Variants in PUSL1 observed in about 807,000 individuals in gnomAD.
The protein encoded by PUSL1 is pseudouridine synthase like 1.
PUSL1 carries 51 observed loss-of-function variants against 30.7 expected under a neutral mutation model. The observed-to-expected ratio is 1.66, with a 90% CI of 1.33 to 2.10. The LOEUF (loss-of-function observed/expected upper bound fraction) is 2.10. Ranked by LOEUF, PUSL1 falls within the 30% of genes most tolerant of loss-of-function variation. The probability of loss-of-function intolerance (pLI) is 0.00; values close to 1 mark genes in which losing one functional copy is unlikely to be tolerated. For missense variants in PUSL1, 609 were observed against 427.6 expected, an observed-to-expected ratio of 1.42 and a Z score of -3.74; for synonymous variants, 290 against 192.1, an observed-to-expected ratio of 1.51 and a Z score of -4.21.
intron 5 of PUSL1, 158 bp downstream of exon 5, chr1:1,310,009 C>A: frequency 5.2e-6 from 3 of 578,020 alleles, no homozygotes; most frequent in Non-Finnish European, 6.0e-6. Flanking sequence ...GGACGCCCCC[C>A]AGCCTCCAGC....
intron 5 of PUSL1, chr1:1,310,247 G>C: frequency 2.9e-6 from 1 of 342,434 alleles, no homozygotes; most frequent in South Asian, 5.2e-5. Context: ...CCTGAAGGGG[G>C]GAAGAACTTC....
At position 1,310,661 on chromosome 1, in the gene PUSL1, T is replaced by C; in HGVS notation, c.672T>C (p.Phe224=). 6.3e-7 allele frequency: 1 copy of C among 1,586,140 alleles called. No homozygotes were observed. Among genetic ancestry groups the C allele is most frequent in the Non-Finnish European group, 8.6e-7 (1 of 1,162,244 alleles). Residue 224 remains phenylalanine, a synonymous_variant, in exon 6 of 8, where the codon TTT becomes TTC. Transcript: ENST00000379031. ...SRKLRFWNLE[F]ESQSFLYRQV... ...AGCTGCGGTTCTGGAACCTGGAGTT[T>C]GAGAGCCAGTCTTTCCTGTATAGAC...
chr1:1,310,811 G>A (rs762104366), intron 6 of PUSL1, 98 bp from the exon 7 acceptor site: 1 of 1,608,748 alleles, frequency 6.2e-7, no homozygotes, highest in East Asian at 2.2e-5. Flanking sequence ...CGGCTGTGCT[G>A]GTGGGTCACG....
rs570184553 is a variant in PUSL1 at position 1,310,166 on chromosome 1, C to T, written c.644+315C>T. The T allele has an allele frequency of 5.5e-5, 23 of 416,200 alleles. No homozygotes were observed. In the Middle Eastern group the frequency reaches 1.8e-3, roughly 33 times the overall value. 25.8% of individuals were successfully genotyped at this position (416,200 alleles called of 1,614,324 possible). ...GTTCTGGTGGGGTGGTTTCTGCTGC[C>T]CCCAGCACTGTCCCGAGGGCCACCC... On this transcript the variant is annotated intron_variant, in intron 5 of 7. Transcript: ENST00000379031.
In PUSL1 at chr1:1,309,592, T is replaced by C. The variant is rs1641979407; in HGVS notation, c.462T>C (p.Thr154=). The change falls in exon 4 of 8, where the codon ACT becomes ACC. Residue 154 remains threonine (T), a synonymous_variant. Transcript: ENST00000379031. Reference sequence around the variant, plus strand: ...TGTTTGAACGCAACCTATGCTGGACTCTCCCGGCAGAGTGAGTGTGGCCCT... The same window carrying C: ...TGTTTGAACGCAACCTATGCTGGACCCTCCCGGCAGAGTGAGTGTGGCCCT... ...LPVFERNLCW[T]LPADCLDMVA... The C allele has an allele frequency of 1.2e-6, 2 of 1,610,780 alleles. 1 individual carries two copies. Among genetic ancestry groups the C allele is most frequent in the South Asian group, 2.2e-5 (2 of 91,002 alleles).
chr1:1,309,897 C>T (rs1047162167), intron 5 of PUSL1, 46 bp downstream of exon 5: 37 of 1,387,450 alleles, frequency 2.7e-5, no homozygotes, highest in Non-Finnish European at 3.3e-5. Context: ...AAGTCACGTG[C>T]TGATTTTAGC....
chr1:1,310,938 C>G lies in PUSL1; in HGVS notation c.729C>G (p.Ala243=), dbSNP rs751428433. The change falls in exon 7 of 8, where the codon GCC becomes GCG. Residue 243 remains alanine (A), a synonymous_variant. Coordinates refer to ENST00000379031, the MANE Select transcript of PUSL1 (RefSeq NM_153339.3). The part of the protein sequence containing the change: ...QVRRMTAVLV[A]VGLGALAPAQ... ...GGAGGATGACGGCTGTGCTGGTGGC[C>G]GTGGGGCTGGGGGCTTTGGCACCTG... 3.1e-6 allele frequency: 5 copies of G among 1,604,962 alleles called. No homozygotes were observed. In the South Asian group the frequency reaches 5.5e-5, roughly 18 times the overall value.
chr1:1,310,683 A>G lies in PUSL1; in HGVS notation c.694A>G (p.Arg232Gly), dbSNP rs1029103812. 2.5e-6 allele frequency: 4 copies of G among 1,606,344 alleles called. No individual in the cohort carries two copies. The highest frequency in any genetic ancestry group is 1.7e-4 in the Middle Eastern group (1 of 6,058). Residue 232 changes from arginine to glycine, a missense_variant, in exon 6 of 8, where the codon AGA becomes GGA. Coordinates refer to ENST00000379031, the MANE Select transcript of PUSL1 (RefSeq NM_153339.3). ...LEFESQSFLYRQVRRMTAVLV... is the reference protein window; with the variant it reads ...LEFESQSFLYGQVRRMTAVLV... ...GTTTGAGAGCCAGTCTTTCCTGTAT[A>G]GACAGGTAGGCTCTGTTCTGGGGCC...
intron 3 of PUSL1, 48 bp downstream of exon 3, chr1:1,309,321 A>C: frequency 6.9e-7 from 1 of 1,445,010 alleles, no homozygotes; most frequent in South Asian, 1.4e-5. Flanking sequence ...TCCCGACTCC[A>C]TCTGTCGCGG....
chr1:1,308,715 C>CT lies in PUSL1; in HGVS notation c.75dup (p.Asn26Ter). 1 of 1,553,592 alleles carries CT rather than the reference C, an allele frequency of 6.4e-7. No individual in the cohort carries two copies. The highest frequency in any genetic ancestry group is 1.2e-5 in the South Asian group (1 of 84,340). On this transcript the variant is annotated frameshift_variant, in exon 1 of 8. Coordinates refer to ENST00000379031, the MANE Select transcript of PUSL1 (RefSeq NM_153339.3). LOFTEE classifies it high-confidence loss of function. Reference sequence around the variant, plus strand: ...TGTACTTCCAGTACGTGGGCACCGACTTTAAGTAGGTTTCCCAGGCGCAGC... The same window carrying CT: ...TGTACTTCCAGTACGTGGGCACCGACTTTTAAGTAGGTTTCCCAGGCGCAGC...
Position 1,309,564 on chromosome 1 carries a change from C to T in PUSL1, c.434C>T (p.Pro145Leu), listed in dbSNP as rs1051144368. 8 of 1,611,808 alleles carry T rather than the reference C, an allele frequency of 5.0e-6. No homozygotes were observed. The highest frequency in any genetic ancestry group is 5.1e-6 in the Non-Finnish European group (6 of 1,179,708). Residue 145 changes from proline (P) to leucine (L), a missense_variant, in exon 4 of 8, where the codon CCG becomes CTG. Coordinates refer to ENST00000379031, the MANE Select transcript of PUSL1 (RefSeq NM_153339.3). ...GGCTGTCACCGGCGTGATGAGCTGC[C>T]GGTGTTTGAACGCAACCTATGCTGG... ...ATGCHRRDEL[P>L]VFERNLCWTL...
Position 1,311,506 on chromosome 1 carries a change from G to C in PUSL1, c.*127G>C, listed in dbSNP as rs764374713. ...GTCTCCACAGTAGCCTCCCTGCCCGGGTCCCAGCACCCTGGATGCCCGTCT... is the reference window on the plus strand; with the variant it reads ...GTCTCCACAGTAGCCTCCCTGCCCGCGTCCCAGCACCCTGGATGCCCGTCT... On this transcript the variant is annotated 3_prime_UTR_variant, in exon 8 of 8. Coordinates refer to ENST00000379031, the MANE Select transcript of PUSL1 (RefSeq NM_153339.3). 9.9e-7 allele frequency: 1 copy of C among 1,008,914 alleles called. No homozygotes were observed. Among genetic ancestry groups the C allele is most frequent in the Non-Finnish European group, 1.5e-6 (1 of 663,912 alleles). 62.5% of individuals were successfully genotyped at this position (1,008,914 alleles called of 1,614,324 possible). A position where few individuals can be genotyped will look rare whatever the true frequency, so the allele number is the denominator to read the frequency against.
chr1:1,310,806 G>A (rs764359694), intron 6 of PUSL1, 103 bp from the exon 7 acceptor site: 14 of 1,609,054 alleles, frequency 8.7e-6, no homozygotes, highest in Non-Finnish European at 1.2e-5. Context: ...GATGACGGCT[G>A]TGCTGGTGGG....
At chr1:1,309,335 G>C (rs1641958045) in intron 3 of PUSL1, 62 bp downstream of exon 3, 3 of 1,448,488 alleles carry the variant, frequency 2.1e-6, no homozygotes, top group Non-Finnish European at 2.7e-6. Flanking sequence ...GTCGCGGGCG[G>C]AGGCTGGAGA....
At position 1,311,664 on chromosome 1, in the gene PUSL1, C is replaced by T. The variant is rs1642167170; in HGVS notation, c.*285C>T. On this transcript the variant is annotated 3_prime_UTR_variant, in exon 8 of 8. Coordinates refer to ENST00000379031, the MANE Select transcript of PUSL1 (RefSeq NM_153339.3). ...CACCTGCCCTAACCAGGAATAAAGG[C>T]AAGACAGCCTGGAGACCAGTTTGTT... 2 of 720,860 alleles carry T rather than the reference C, an allele frequency of 2.8e-6. No individual in the cohort carries two copies. The highest frequency in any genetic ancestry group is 4.9e-6 in the Non-Finnish European group (2 of 408,132). 44.7% of individuals were successfully genotyped at this position (720,860 alleles called of 1,614,324 possible).
intron 5 of PUSL1, chr1:1,310,253 A>C: frequency 3.0e-6 from 1 of 336,034 alleles, no homozygotes; most frequent in Non-Finnish European, 5.5e-6. Context: ...GGGGGGAAGA[A>C]CTTCTGCCAG....
Position 1,311,406 on chromosome 1 carries a change from C to A in PUSL1, c.*27C>A, listed in dbSNP as rs1381059205. On this transcript the variant is annotated 3_prime_UTR_variant, in exon 8 of 8. Coordinates refer to ENST00000379031, the MANE Select transcript of PUSL1 (RefSeq NM_153339.3). Reference sequence around the variant, plus strand: ...CCTGGACACTCAAGCCAAAGTTAGGCCACACCAGGCCCAACCCTGTGCTGG... The same window carrying A: ...CCTGGACACTCAAGCCAAAGTTAGGACACACCAGGCCCAACCCTGTGCTGG... 4 of 1,593,822 alleles carry A rather than the reference C, an allele frequency of 2.5e-6. No individual in the cohort carries two copies. The highest frequency in any genetic ancestry group is 2.6e-6 in the Non-Finnish European group (3 of 1,170,800).
At chr1:1,310,386 T>G in intron 5 of PUSL1, 1 of 522,096 alleles carries the variant, frequency 1.9e-6, no homozygotes. Context: ...CCCTCTGGGA[T>G]GGCCAGGCTA....
rs756671214 is a variant in PUSL1 at position 1,311,313 on chromosome 1, G to A, written c.863-17G>A. On this transcript the variant is annotated splice_polypyrimidine_tract_variant and intron_variant, in intron 7 of 7. Coordinates refer to ENST00000379031, the MANE Select transcript of PUSL1 (RefSeq NM_153339.3). The stretch of plus-strand genomic sequence containing the variant: ...CGGTCTTGCCCCAGGCTGACGCAGG[G>A]TCTGGTCCGTCCACAGGTGCTGCCT... 13 of 1,548,238 alleles carry A rather than the reference G, an allele frequency of 8.4e-6. No homozygotes were observed. The highest frequency in any genetic ancestry group is 2.4e-5 in the South Asian group (2 of 82,270).
Sources: gnomAD v4.1 joint callset for allele counts on GRCh38, gnomAD v4.1.1 for gene constraint, MANE v1.5 for transcripts, NCBI Gene and HGNC (gene_info 2026-07-23, HGNC 2026-07-21) for gene names.